RBM33: variants seen among roughly 807,000 people sequenced by gnomAD.
RBM33 encodes the protein RNA binding motif protein 33.
A neutral mutation model predicts 132.6 loss-of-function variants in RBM33; 28 were observed. That is an observed-to-expected ratio of 0.21 (90% CI 0.16 to 0.29). RBM33 has a LOEUF of 0.29. RBM33 is among the 10% of genes least tolerant of loss of function. RBM33 has a pLI of 1.00. For missense variants in RBM33, 1,291 were observed against 1,518.5 expected, an observed-to-expected ratio of 0.85 and a Z score of 2.49; for synonymous variants, 634 against 593.0, an observed-to-expected ratio of 1.07 and a Z score of -1.01.
rs184921132 is a variant in RBM33 at position 155,736,056 on chromosome 7, A to C, written c.1261-1474A>C. Among the ~76,000 whole-genome samples, 49 of 152,316 alleles carry C rather than the reference A, an allele frequency of 3.2e-4. No individual in the cohort carries two copies. The East Asian group carries it at 9.2e-3, about 29-fold the overall frequency. On this transcript the variant is annotated intron_variant, in intron 9 of 17. Transcript: ENST00000401878. ...AAGTTTATGTTTTTATAAAGATACA[A>C]TATTTGTGTGTTAAACATTTCTTTA...
At chr7:155,729,409 C>G (rs1331470425) in intron 9 of RBM33, among the ~76,000 whole-genome samples, 1 of 152,140 alleles carries the variant, frequency 6.6e-6, no homozygotes, top group Non-Finnish European at 1.5e-5. Flanking sequence ...TGGTCCTTCT[C>G]TAATGATATT....
chr7:155,760,883 C>T (rs1354975349), intron 14 of RBM33, among the ~76,000 whole-genome samples: 5 of 152,154 alleles, frequency 3.3e-5, no homozygotes, highest in South Asian at 2.1e-4. Flanking sequence ...TTGGATTTTG[C>T]GAGCGGTCTG....
rs1019255866 is a variant in RBM33, at chr7:155,766,513, G to A, written c.3233G>A (p.Arg1078Gln). Reference protein sequence around the residue: ...RGRGVAGPMGRGRLMPNKQNL... With the variant: ...RGRGVAGPMGQGRLMPNKQNL... ...AGAGGAGTGGCCGGTCCCATGGGCCGGGGGCGCCTGATGCCAAACAAGCAG... is the reference window on the plus strand; with the variant it reads ...AGAGGAGTGGCCGGTCCCATGGGCCAGGGGCGCCTGATGCCAAACAAGCAG... Residue 1078 changes from arginine to glutamine, a missense_variant, in exon 16 of 18, where the codon CGG (arginine) becomes CAG (glutamine). By Grantham distance (43) the Arg-to-Gln change is conservative. Around this residue, in one of 7 missense-constraint regions of RBM33, gnomAD observed 841 missense variants for 912.0 expected, o/e 0.92. Transcript: ENST00000401878. 6 of 1,613,196 alleles carry A rather than the reference G, an allele frequency of 3.7e-6. No homozygotes were observed. Among genetic ancestry groups the A allele is most frequent in the South Asian group, 3.3e-5 (3 of 90,990 alleles).
chr7:155,740,081 A>G, intron 12 of RBM33, 55 bp downstream of exon 12: 1 of 1,458,052 alleles, frequency 6.9e-7, no homozygotes, highest in Non-Finnish European at 9.1e-7. Flanking sequence ...TTTAACTTAC[A>G]GGACTTGAGG....
At position 155,711,223 on chromosome 7, in the gene RBM33, G is replaced by C. The variant is rs765658997; in HGVS notation, c.969G>C (p.Pro323=). 1 of 1,570,440 alleles carries C rather than the reference G, an allele frequency of 6.4e-7. No individual in the cohort carries two copies. Among genetic ancestry groups the C allele is most frequent in the Admixed American group, 1.9e-5 (1 of 53,856 alleles). Residue 323 remains proline, a synonymous_variant, in exon 8 of 18, where the codon CCG becomes CCC. Transcript: ENST00000401878. ...PPVVPQAPPP[P]PPPPQQQPIR... is the part of the protein sequence containing the mutation. ...CACAGCCCCAGGCTCCCCCTCCACC[G>C]CCACCGCCGCCTCAGCAGCAGCCGA...
In RBM33 at chr7:155,677,264, G is replaced by T. The variant is rs140496507; in HGVS notation, c.172-1344G>T. 5.7e-3 allele frequency among the ~76,000 whole-genome samples: 849 copies of T among 149,110 alleles called. 11 individuals are homozygous for T. Among genetic ancestry groups the T allele is most frequent in the African/African-American group, 0.02 (819 of 40,414 alleles). ...GATGGAGTTTCGTTCTTGTTTCCCA[G>T]GCTGGAGTGCATTGGCTCACTGCAA... On this transcript the variant is annotated intron_variant, in intron 3 of 17. Coordinates refer to ENST00000401878, the MANE Select transcript of RBM33 (RefSeq NM_053043.3).
chr7:155,691,968 T>A (rs562299246), intron 5 of RBM33, among the ~76,000 whole-genome samples: 5 of 151,946 alleles, frequency 3.3e-5, no homozygotes, highest in Non-Finnish European at 7.4e-5. Context: ...GGAGGATCAC[T>A]TGAGCCCAGG....
chr7:155,688,326 T>C (rs937702509), intron 5 of RBM33, among the ~76,000 whole-genome samples: 1 of 152,276 alleles, frequency 6.6e-6, no homozygotes, highest in Non-Finnish European at 1.5e-5. Context: ...ACATTGATTT[T>C]GTATCCTAAG....
intron 7 of RBM33, among the ~76,000 whole-genome samples, chr7:155,710,490 A>G (rs1800250039): frequency 6.6e-6 from 1 of 152,188 alleles, no homozygotes; most frequent in Admixed American, 6.5e-5. Context: ...TGTTTGATAA[A>G]ATAACCACCC....
In RBM33 at chr7:155,742,111, G is replaced by C; in HGVS notation, c.2337+5G>C. 6.2e-7 allele frequency: 1 copy of C among 1,602,052 alleles called. No individual in the cohort carries two copies. Among genetic ancestry groups the C allele is most frequent in the South Asian group, 1.1e-5 (1 of 90,528 alleles). ...GAGGCAAAAACAGAAACAGAGGTAG[G>C]ACACTGCTCTTATTAACAAATGTTG... On this transcript the variant is annotated splice_donor_5th_base_variant and intron_variant, in intron 13 of 17. Transcript: ENST00000401878.
chr7:155,718,280 T>C (rs1322455525), intron 8 of RBM33, 105 bp from the exon 9 acceptor site: 4 of 828,048 alleles, frequency 4.8e-6, no homozygotes, highest in Non-Finnish European at 8.3e-6. Flanking sequence ...GTATTATATG[T>C]CTGGTACGCA....
At chr7:155,645,192 C>T in intron 1 of RBM33, 1 of 373,136 alleles carries the variant, frequency 2.7e-6, no homozygotes, top group Middle Eastern at 6.6e-4. Flanking sequence ...CCATCTCTGG[C>T]GTTGGCGGGC....
intron 1 of RBM33, among the ~76,000 whole-genome samples, chr7:155,647,504 A>G (rs1362787577): frequency 3.9e-5 from 6 of 151,958 alleles, no homozygotes; most frequent in Admixed American, 3.9e-4. Flanking sequence ...AATCATGGCT[A>G]ATTGCAGCCT....
intron 2 of RBM33, among the ~76,000 whole-genome samples, chr7:155,665,709 A>G (rs1391655702): frequency 6.6e-6 from 1 of 152,240 alleles, no homozygotes; most frequent in Non-Finnish European, 1.5e-5. Flanking sequence ...TTAGGAATGG[A>G]TGAAAATGAC....
In RBM33 at chr7:155,745,118, A is replaced by T. The variant is rs770108083; in HGVS notation, c.2495A>T (p.Gln832Leu). The stretch of plus-strand genomic sequence containing the variant: ...CTGGAGAGACTCGCGCAGCAACAGC[A>T]GCAGCTGTACGCTCCCCCACCCCCA... ...ELLERLAQQQ[Q>L]QLYAPPPPAE... Residue 832 changes from glutamine (Q) to leucine (L), a missense_variant, in exon 14 of 18, where the codon CAG becomes CTG. Around this residue, in one of 7 missense-constraint regions of RBM33, gnomAD observed 841 missense variants for 912.0 expected, o/e 0.92. Coordinates refer to ENST00000401878, the MANE Select transcript of RBM33 (RefSeq NM_053043.3). The surrounding 1 kb of genome is among the most constrained non-coding windows in gnomAD (Gnocchi z 4.1). The T allele has an allele frequency of 9.4e-6, 15 of 1,600,006 alleles. 1 individual carries two copies. The South Asian group carries it at 1.7e-4, about 18-fold the overall frequency.
rs541134190 is a variant in RBM33 at position 155,757,287 on chromosome 7, G to A, written c.2980-6525G>A. Among the ~76,000 whole-genome samples the A allele has an allele frequency of 1.4e-4, 21 of 152,122 alleles. No homozygotes were observed. In the South Asian group the frequency reaches 1.9e-3, roughly 14 times the overall value. On this transcript the variant is annotated intron_variant, in intron 14 of 17. Coordinates refer to ENST00000401878, the MANE Select transcript of RBM33 (RefSeq NM_053043.3). ...TCTAGTGTGAACTGGAGTAAAACCC[G>A]GGAACTTGAAACTGTTCTGTAGAAT...
chr7:155,747,077 T>C (rs1273545165), intron 14 of RBM33, among the ~76,000 whole-genome samples: 1 of 152,190 alleles, frequency 6.6e-6, no homozygotes, highest in Non-Finnish European at 1.5e-5. Context: ...TATAAGAAAA[T>C]CTTTATAAAA....
intron 14 of RBM33, among the ~76,000 whole-genome samples, chr7:155,755,090 A>G (rs912851084): frequency 6.6e-6 from 1 of 152,262 alleles, no homozygotes; most frequent in Non-Finnish European, 1.5e-5. Flanking sequence ...AACTTCGTAC[A>G]GCATGCATAT....
chr7:155,674,418 C>T (rs977671088), intron 3 of RBM33, among the ~76,000 whole-genome samples: 4 of 151,936 alleles, frequency 2.6e-5, no homozygotes, highest in Non-Finnish European at 2.9e-5. Context: ...CTTTTTTCTT[C>T]GTATTTAAGA....
Sources: gnomAD v4.1 joint callset for allele counts (sites outside exome capture counted in the v4.1 genomes callset) on GRCh38, gnomAD v4.1.1 for gene constraint, gnomAD v4.1.1 regional missense constraint, Gnocchi (gnomAD v3.1) non-coding constraint, MANE v1.5 for transcripts, NCBI Gene and HGNC (gene_info 2026-07-23, HGNC 2026-07-21) for gene names.